NAV2: variants seen among roughly 807,000 people sequenced by gnomAD.
The protein encoded by NAV2 is helicase, APC down-regulated 1.
A neutral mutation model predicts 223.2 loss-of-function variants in NAV2; 54 were observed. The ratio of observed to expected loss-of-function variants is 0.24; its 90% CI spans 0.19 to 0.30. The LOEUF (loss-of-function observed/expected upper bound fraction) is 0.30, where lower values mean the gene tolerates loss of function less well. Ranked by LOEUF, NAV2 falls within the 10% of genes least tolerant of loss-of-function variation. The pLI is 1.00. For synonymous variants in NAV2, 1,279 were observed against 1,239.3 expected (o/e 1.03, Z -0.67); for missense variants, 2,806 against 3,147.5 (o/e 0.89, Z 2.60).
intron 3 of NAV2, among the ~76,000 whole-genome samples, chr11:19,850,436 G>T (rs1211899563): frequency 6.6e-6 from 1 of 152,162 alleles, no homozygotes. Flanking sequence ...ATGGGTAGAT[G>T]GACAGACGGA....
At chr11:19,709,811 T>C (rs2049810662), upstream of NAV2, among the ~76,000 whole-genome samples, 1 of 151,336 alleles carries the variant, frequency 6.6e-6, no homozygotes, top group Non-Finnish European at 1.5e-5. Flanking sequence ...AGGAGATAAA[T>C]AATGCTCCAG....
At chr11:19,593,431 A>G (rs1022201101) in intron 1 of NAV2, among the ~76,000 whole-genome samples, 2 of 152,210 alleles carry the variant, frequency 1.3e-5, no homozygotes, top group African/African-American at 4.8e-5. Flanking sequence ...CTGACAGACC[A>G]TGGTTTAACC....
intron 1 of NAV2, among the ~76,000 whole-genome samples, chr11:19,722,703 T>C (rs563852686): frequency 8.5e-5 from 13 of 152,298 alleles, no homozygotes; most frequent in African/African-American, 2.9e-4. Context: ...AAAGAAAGCA[T>C]TGGAAAACAG....
intron 1 of NAV2, among the ~76,000 whole-genome samples, chr11:19,554,133 C>T (rs1291078028): frequency 6.6e-6 from 1 of 152,232 alleles, no homozygotes; most frequent in Non-Finnish European, 1.5e-5. Context: ...GGAACTAATG[C>T]TGGGTTAGAG....
Position 20,094,119 on chromosome 11 carries a change from C to T in NAV2, c.5916+920C>T, listed in dbSNP as rs765425957. ...CTCAGCATTTTGGCACTTCCATTAG[C>T]GTCATCTAGCCATGAAATATATAGT... is the stretch of plus-strand genomic sequence containing the variant. On this transcript the variant is annotated intron_variant, in intron 29 of 37. Coordinates refer to ENST00000349880, the MANE Select transcript of NAV2 (RefSeq NM_145117.5). Among the ~76,000 whole-genome samples, 9 of 151,912 alleles carry T rather than the reference C, an allele frequency of 5.9e-5. No homozygotes were observed. The East Asian group carries it at 9.7e-4, about 16-fold the overall frequency.
intron 1 of NAV2, among the ~76,000 whole-genome samples, chr11:19,358,678 G>T (rs571226863): frequency 6.6e-6 from 1 of 152,242 alleles, no homozygotes; most frequent in East Asian, 1.9e-4. Flanking sequence ...GGAACAGTGT[G>T]CCTTTATGTT....
At chr11:19,939,851 C>G in intron 8 of NAV2, 78 bp downstream of exon 8, 2 of 954,988 alleles carry the variant, frequency 2.1e-6, no homozygotes, top group East Asian at 2.7e-5. Context: ...CAGCATGAAC[C>G]CAGCTTGATT....
At chr11:19,752,904 T>C (rs554792808) in intron 1 of NAV2, among the ~76,000 whole-genome samples, 1 of 152,262 alleles carries the variant, frequency 6.6e-6, no homozygotes, top group Admixed American at 6.5e-5. Context: ...AATCTGATGG[T>C]ATTTGGAGGT....
intron 1 of NAV2, among the ~76,000 whole-genome samples, chr11:19,797,974 C>A (rs1181214562): frequency 6.6e-6 from 1 of 152,144 alleles, no homozygotes; most frequent in Non-Finnish European, 1.5e-5. Flanking sequence ...CAGCTTAAGT[C>A]AGTTGATGTT....
chr11:19,673,442 G>A (rs2135821831), intron 1 of NAV2, among the ~76,000 whole-genome samples: 1 of 152,286 alleles, frequency 6.6e-6, no homozygotes, highest in East Asian at 1.9e-4. Context: ...AGGTCAAACA[G>A]CCAGCTTGTG....
chr11:19,876,192 ATT>A (rs1222749979), intron 4 of NAV2, among the ~76,000 whole-genome samples: 1 of 151,812 alleles, frequency 6.6e-6, no homozygotes, highest in Non-Finnish European at 1.5e-5. Flanking sequence ...CATCTGGCTA[ATT>A]TTTTTGTATT....
At chr11:19,460,011 C>A (rs1267180903) in intron 1 of NAV2, among the ~76,000 whole-genome samples, 1 of 152,162 alleles carries the variant, frequency 6.6e-6, no homozygotes, top group Non-Finnish European at 1.5e-5. Context: ...AATCCTTGTT[C>A]TGCTACTTTT....
In NAV2 at chr11:19,506,274, G is replaced by T. The variant is rs968627755; in HGVS notation, c.75+155247G>T. ...AGAGGAGCCAGAAACTATAGGCATG[G>T]GGCTAGGAAGGGCCCATACTCCAGG... On this transcript the variant is annotated intron_variant, in intron 1 of 37. Coordinates refer to the NAV2 transcript ENST00000360655. 1.3e-4 allele frequency: 20 copies of T among 152,386 alleles called. 1 individual carries two copies. Among genetic ancestry groups the T allele is most frequent in the Middle Eastern group, 3.4e-3 (1 of 294 alleles). 9.4% of individuals were successfully genotyped at this position (152,386 alleles called of 1,614,324 possible). A position where few individuals can be genotyped will look rare whatever the true frequency, so the allele number is the denominator to read the frequency against.
intron 1 of NAV2, among the ~76,000 whole-genome samples, chr11:19,804,347 C>G (rs1002489686): frequency 6.6e-6 from 1 of 152,192 alleles, no homozygotes; most frequent in African/African-American, 2.4e-5. Flanking sequence ...GTGGCAATTA[C>G]AGTTCCCAAC....
At chr11:20,042,469 C>T (rs2057016357) in intron 12 of NAV2, among the ~76,000 whole-genome samples, 1 of 151,994 alleles carries the variant, frequency 6.6e-6, no homozygotes, top group African/African-American at 2.4e-5. Flanking sequence ...GTGTGTTTGT[C>T]CTCCTCATAT....
At chr11:19,553,527 C>G (rs991724760) in intron 1 of NAV2, among the ~76,000 whole-genome samples, 3 of 134,298 alleles carry the variant, frequency 2.2e-5, no homozygotes, top group African/African-American at 3.2e-5. Flanking sequence ...ACACACCTCT[C>G]TCCCCTCCCC....
chr11:19,971,795 T>G (rs1278001322), intron 10 of NAV2, among the ~76,000 whole-genome samples: 6 of 152,208 alleles, frequency 3.9e-5, no homozygotes, highest in Admixed American at 2.0e-4. Context: ...CTCCGTCTAC[T>G]GGGTTCAAGC....
At chr11:19,794,414 T>A (rs1311290722) in intron 1 of NAV2, among the ~76,000 whole-genome samples, 1 of 152,224 alleles carries the variant, frequency 6.6e-6, no homozygotes, top group East Asian at 1.9e-4. Flanking sequence ...TACATCTTTA[T>A]AGCTGCTGAA....
chr11:19,808,678 A>G lies in NAV2; in HGVS notation c.268-23806A>G, dbSNP rs577308486. On this transcript the variant is annotated intron_variant, in intron 1 of 37. Coordinates refer to ENST00000349880, the MANE Select transcript of NAV2 (RefSeq NM_145117.5). ...TTATTGTCTATTAATAGTTGGTACA[A>G]TTATGTAGAATGTGGCCCAGAGAAT... Among the ~76,000 whole-genome samples the G allele has an allele frequency of 2.6e-5, 4 of 152,326 alleles. No individual in the cohort carries two copies. In the South Asian group the frequency reaches 8.3e-4, roughly 32 times the overall value.
Sources: allele counts gnomAD v4.1 joint callset (sites outside exome capture counted in the v4.1 genomes callset), GRCh38; gene constraint gnomAD v4.1.1; transcripts MANE v1.5; gene names NCBI Gene and HGNC (gene_info 2026-07-23, HGNC 2026-07-21).